HSD17B2: variants seen among roughly 807,000 people sequenced by gnomAD.
The protein encoded by HSD17B2 is hydroxysteroid 17-beta dehydrogenase 2, also known as 17-beta-hydroxysteroid dehydrogenase type 2.
HSD17B2 carries 32 observed loss-of-function variants against 26.9 expected under a neutral mutation model. The observed-to-expected ratio is 1.19, with a 90% CI of 0.90 to 1.60. The LOEUF (loss-of-function observed/expected upper bound fraction) is 1.60, where lower values mean the gene tolerates loss of function less well. HSD17B2 is among the 40% of genes most tolerant of loss of function. HSD17B2 has a pLI of 0.00. For synonymous variants in HSD17B2, 246 were observed against 186.7 expected (o/e 1.32, Z -2.59); for missense variants, 613 against 468.6 (o/e 1.31, Z -2.85).
chr16:82,067,713 A>T (rs545023063), intron 1 of HSD17B2, among the ~76,000 whole-genome samples: 49 of 152,328 alleles, frequency 3.2e-4, no homozygotes, highest in African/African-American at 1.2e-3. Flanking sequence ...AGCCTCTGTT[A>T]TTGCCCTGTG....
rs558044137 is a variant in HSD17B2, at chr16:82,080,402, G to A, written c.664+9275G>A. 1.1e-4 allele frequency among the ~76,000 whole-genome samples: 16 copies of A among 152,274 alleles called. No individual in the cohort carries two copies. The South Asian group carries it at 2.9e-3, about 28-fold the overall frequency. On this transcript the variant is annotated intron_variant, in intron 3 of 4. Coordinates refer to ENST00000199936, the MANE Select transcript of HSD17B2 (RefSeq NM_002153.3). ...ATAAGAAAGAGGCATGAGGGTCAGA[G>A]TCAGAGAGAAACTGGAAGATGGTAC...
intron 3 of HSD17B2, chr16:82,090,265 G>C: frequency 1.4e-6 from 1 of 696,072 alleles, no homozygotes; most frequent in Admixed American, 6.5e-5. Flanking sequence ...ATCAGGGCCT[G>C]GTCGGTAGGT....
rs188854430 is a variant in HSD17B2, at chr16:82,084,557, A to T, written c.665-6345A>T. Among the ~76,000 whole-genome samples, 251 of 151,660 alleles carry T rather than the reference A, an allele frequency of 1.7e-3. 1 individual carries two copies. The highest frequency in any genetic ancestry group is 4.4e-3 in the African/African-American group (180 of 41,370). ...ACATCAAACTGTTCTTTTTATTATT[A>T]TTTTTTTTATTTTTTTACCTAGAAT... On this transcript the variant is annotated intron_variant, in intron 3 of 4. Coordinates refer to ENST00000199936, the MANE Select transcript of HSD17B2 (RefSeq NM_002153.3).
chr16:82,063,276 A>G (rs1247080174), intron 1 of HSD17B2: 1 of 152,218 alleles, frequency 6.6e-6, no homozygotes, highest in Non-Finnish European at 1.5e-5. Flanking sequence ...ATAAAGACAC[A>G]GTTTTATTTT....
chr16:82,079,352 C>T (rs1597135363), intron 3 of HSD17B2, among the ~76,000 whole-genome samples: 1 of 152,134 alleles, frequency 6.6e-6, no homozygotes, highest in South Asian at 2.1e-4. Context: ...GGGTTGGTTT[C>T]TCCTGAGCTC....
Position 82,054,212 on chromosome 16 carries a change from A to G in HSD17B2, c.266-13958A>G, listed in dbSNP as rs1156921931. On this transcript the variant is annotated intron_variant, in intron 1 of 4. Transcript: ENST00000199936. ...CTTAACCTTAACCCACATATCGAAAAAAAAAAAAAAAGAAAAAAAAGAAAG... is the reference window on the plus strand; with the variant it reads ...CTTAACCTTAACCCACATATCGAAAGAAAAAAAAAAAGAAAAAAAAGAAAG... 4.0e-3 allele frequency among the ~76,000 whole-genome samples: 611 copies of G among 151,814 alleles called. 1 individual carries two copies. The highest frequency in any genetic ancestry group is 0.013 in the African/African-American group (551 of 41,492).
rs1157460752 is a variant in HSD17B2, at chr16:82,043,504, G to A, written c.265+7815G>A. 2.1e-5 allele frequency among the ~76,000 whole-genome samples: 3 copies of A among 143,028 alleles called. No homozygotes were observed. The East Asian group carries it at 5.8e-4, about 28-fold the overall frequency. 93.8% of individuals were successfully genotyped at this position (143,028 alleles called of 152,430 possible). On this transcript the variant is annotated intron_variant, in intron 1 of 4. Coordinates refer to ENST00000199936, the MANE Select transcript of HSD17B2 (RefSeq NM_002153.3). ...TGGAGACTATCCTGGCTAACACGGT[G>A]AAACCCCGCCTCTACTAAAAATAGA...
chr16:82,038,254 TAG>T (rs1913671068), intron 1 of HSD17B2, among the ~76,000 whole-genome samples: 1 of 152,228 alleles, frequency 6.6e-6, no homozygotes, highest in African/African-American at 2.4e-5. Flanking sequence ...TAAGCAAGCA[TAG>T]AGTGTTTGAA....
intron 2 of HSD17B2, among the ~76,000 whole-genome samples, chr16:82,070,645 G>T (rs1914676982): frequency 6.6e-6 from 1 of 152,196 alleles, no homozygotes; most frequent in African/African-American, 2.4e-5. Flanking sequence ...CAGGATAATG[G>T]CTCCTGCCAA....
intron 1 of HSD17B2, among the ~76,000 whole-genome samples, chr16:82,050,211 AC>A (rs1914064819): frequency 6.6e-6 from 1 of 151,700 alleles, no homozygotes; most frequent in Admixed American, 6.6e-5. Flanking sequence ...TTGATTTGGG[AC>A]CCTTCCCTAC....
chr16:82,080,401 A>G (rs79465509), intron 3 of HSD17B2, among the ~76,000 whole-genome samples: 16 of 152,282 alleles, frequency 1.1e-4, no homozygotes, highest in African/African-American at 3.9e-4. Flanking sequence ...TGAGGGTCAG[A>G]GTCAGAGAGA....
At chr16:82,061,660 T>C (rs1447156936) in intron 1 of HSD17B2, among the ~76,000 whole-genome samples, 2 of 152,238 alleles carry the variant, frequency 1.3e-5, no homozygotes, top group Non-Finnish European at 2.9e-5. Flanking sequence ...GTATGTGTGC[T>C]ATAACTGTTA....
rs1377908353 is a variant in HSD17B2, at chr16:82,049,784, T to C, written c.265+14095T>C. Among the ~76,000 whole-genome samples the C allele has an allele frequency of 2.6e-5, 4 of 152,194 alleles. No homozygotes were observed. In the East Asian group the frequency reaches 5.8e-4, roughly 22 times the overall value. ...CAGCCAACCACTGAAGCAGCAGAGA[T>C]GGAATTTTTAAATAGACACAAACTA... is the stretch of plus-strand genomic sequence containing the variant. On this transcript the variant is annotated intron_variant, in intron 1 of 4. Transcript: ENST00000199936.
intron 3 of HSD17B2, among the ~76,000 whole-genome samples, chr16:82,080,129 C>T (rs574004469): frequency 2.6e-5 from 4 of 152,282 alleles, no homozygotes; most frequent in African/African-American, 9.6e-5. Flanking sequence ...TGACTCTGTT[C>T]CAGTTATTCA....
intron 1 of HSD17B2, among the ~76,000 whole-genome samples, chr16:82,037,630 C>T (rs1170837597): frequency 6.6e-6 from 1 of 152,134 alleles, no homozygotes; most frequent in African/African-American, 2.4e-5. Flanking sequence ...GCACATTCAA[C>T]ACAATCTTAT....
At chr16:82,070,594 G>T (rs191710652) in intron 2 of HSD17B2, among the ~76,000 whole-genome samples, 14 of 152,362 alleles carry the variant, frequency 9.2e-5, no homozygotes, top group African/African-American at 3.4e-4. Context: ...CCTATCAGTG[G>T]TTCCCTATCT....
intron 3 of HSD17B2, among the ~76,000 whole-genome samples, chr16:82,077,270 T>G (rs1262329480): frequency 6.6e-6 from 1 of 152,172 alleles, no homozygotes; most frequent in African/African-American, 2.4e-5. Flanking sequence ...CAGATTATAC[T>G]ACAGAGCCGT....
intron 4 of HSD17B2, chr16:82,093,741 G>C (rs1904759928): frequency 6.6e-6 from 1 of 152,188 alleles, no homozygotes; most frequent in South Asian, 2.1e-4. Context: ...GAAAGTAAAG[G>C]AATAAAAGAA....
intron 1 of HSD17B2, among the ~76,000 whole-genome samples, chr16:82,056,709 C>T (rs116978660): frequency 1.5e-4 from 23 of 152,188 alleles, no homozygotes; most frequent in Non-Finnish European, 3.1e-4. Flanking sequence ...CTATTCACAA[C>T]GATAGGTGAA....
Sources: allele counts gnomAD v4.1 joint callset (sites outside exome capture counted in the v4.1 genomes callset), GRCh38; gene constraint gnomAD v4.1.1; transcripts MANE v1.5; gene names NCBI Gene and HGNC (gene_info 2026-07-23, HGNC 2026-07-21).